The following ATP8B4 variants were observed in gnomAD, a reference collection of about 807,000 sequenced individuals.
The protein encoded by ATP8B4 is ATPase phospholipid transporting 8B4 (putative).
Under a neutral mutation model 145.6 loss-of-function variants are expected in ATP8B4, and 133 were observed. The observed-to-expected ratio is 0.91, with a 90% CI of 0.79 to 1.05. The LOEUF (loss-of-function observed/expected upper bound fraction) is 1.05. Among genes scored for constraint, ATP8B4 ranks in the 50% least tolerant of loss-of-function variants. ATP8B4 has a pLI of 0.00. For synonymous variants in ATP8B4, 507 were observed against 492.9 expected, an observed-to-expected ratio of 1.03 and a Z score of -0.38; for missense variants, 1,458 against 1,425.2, an observed-to-expected ratio of 1.02 and a Z score of -0.37.
intron 2 of ATP8B4, among the ~76,000 whole-genome samples, chr15:50,102,713 A>G (rs939155053): frequency 6.6e-6 from 1 of 152,038 alleles, no homozygotes; most frequent in African/African-American, 2.4e-5. Context: ...CAAGATAGAC[A>G]AAGAGAGAAT....
intron 27 of ATP8B4, 66 bp from the exon 28 acceptor site, chr15:49,860,541 T>A (rs558184135): frequency 5.9e-5 from 87 of 1,479,292 alleles, no homozygotes; most frequent in Non-Finnish European, 7.4e-5. Context: ...AGTGGCCCAC[T>A]TTGTAAAGTG....
chr15:50,040,617 T>C (rs1042024837), intron 5 of ATP8B4, among the ~76,000 whole-genome samples: 8 of 152,254 alleles, frequency 5.3e-5, no homozygotes, highest in East Asian at 1.9e-4. Flanking sequence ...ATCCCCTAAA[T>C]TGACTAGCTG....
chr15:50,160,451 T>G (rs2044499843), intron 1 of ATP8B4, among the ~76,000 whole-genome samples: 1 of 151,992 alleles, frequency 6.6e-6, no homozygotes, highest in Non-Finnish European at 1.5e-5. Context: ...TGCTTTTCTA[T>G]TTCTTTAAGG....
intron 2 of ATP8B4, among the ~76,000 whole-genome samples, chr15:50,083,856 C>G (rs1326683583): frequency 2.6e-5 from 4 of 152,190 alleles, no homozygotes; most frequent in African/African-American, 9.6e-5. Context: ...AATAGAGCTG[C>G]TCATCTAGCT....
intron 1 of ATP8B4, among the ~76,000 whole-genome samples, chr15:50,167,532 C>T (rs756510364): frequency 4.6e-5 from 7 of 151,566 alleles, no homozygotes; most frequent in Non-Finnish European, 8.8e-5. Flanking sequence ...CAGAATGATC[C>T]TGTCTCAAGA....
intron 3 of ATP8B4, among the ~76,000 whole-genome samples, chr15:50,064,997 G>A (rs141604040): frequency 2.6e-5 from 4 of 152,180 alleles, no homozygotes; most frequent in Non-Finnish European, 4.4e-5. Context: ...CTTCTACTAT[G>A]CCCCACCTCC....
At chr15:49,983,800 A>G (rs1474170868) in intron 10 of ATP8B4, among the ~76,000 whole-genome samples, 2 of 152,110 alleles carry the variant, frequency 1.3e-5, no homozygotes, top group Non-Finnish European at 2.9e-5. Flanking sequence ...CCAGTCCCAT[A>G]TCCATCCCTA....
At chr15:50,035,061 T>C (rs949117988) in intron 6 of ATP8B4, among the ~76,000 whole-genome samples, 7 of 152,150 alleles carry the variant, frequency 4.6e-5, no homozygotes, top group Admixed American at 2.0e-4. Flanking sequence ...CAAAAGCTAA[T>C]ACAACACCCA....
At chr15:49,984,889 T>C (rs1320605538) in intron 10 of ATP8B4, among the ~76,000 whole-genome samples, 4 of 152,144 alleles carry the variant, frequency 2.6e-5, no homozygotes, top group Non-Finnish European at 4.4e-5. Flanking sequence ...ATATAATTCC[T>C]GCCCTCAGAA....
chr15:50,031,691 T>A (rs181265413), intron 6 of ATP8B4, among the ~76,000 whole-genome samples: 182 of 152,166 alleles, frequency 1.2e-3, no homozygotes, highest in African/African-American at 4.0e-3. Context: ...ATCATATACA[T>A]CCACCCCCCT....
intron 23 of ATP8B4, among the ~76,000 whole-genome samples, chr15:49,888,033 T>C (rs1261361889): frequency 6.6e-6 from 1 of 152,210 alleles, no homozygotes; most frequent in Non-Finnish European, 1.5e-5. Context: ...ACCTATCTAA[T>C]GACCTTTTGG....
At chr15:50,110,908 C>T (rs1320245441) in intron 1 of ATP8B4, among the ~76,000 whole-genome samples, 1 of 149,308 alleles carries the variant, frequency 6.7e-6, no homozygotes, top group Non-Finnish European at 1.5e-5. Flanking sequence ...TCCATAAATA[C>T]TTTTTTTTTT....
intron 3 of ATP8B4, among the ~76,000 whole-genome samples, chr15:50,057,730 C>T (rs756922071): frequency 6.6e-6 from 1 of 152,198 alleles, no homozygotes; most frequent in Non-Finnish European, 1.5e-5. Flanking sequence ...ACTTTGTTCT[C>T]TTTTCTACCT....
intron 3 of ATP8B4, among the ~76,000 whole-genome samples, chr15:50,056,759 T>C (rs926625198): frequency 6.6e-6 from 1 of 151,490 alleles, no homozygotes; most frequent in Non-Finnish European, 1.5e-5. Context: ...GACAATATAA[T>C]ATCTATATTA....
intron 2 of ATP8B4, among the ~76,000 whole-genome samples, chr15:50,076,093 C>T (rs2054153036): frequency 1.3e-5 from 2 of 152,170 alleles, no homozygotes; most frequent in Admixed American, 6.5e-5. Flanking sequence ...GATGATCCTT[C>T]TAAAATTTCA....
intron 1 of ATP8B4, among the ~76,000 whole-genome samples, chr15:50,132,314 C>T (rs969608679): frequency 2.6e-5 from 4 of 152,072 alleles, no homozygotes; most frequent in South Asian, 2.1e-4. Context: ...CATGAACAGA[C>T]GCTTCTCAAA....
intron 14 of ATP8B4, among the ~76,000 whole-genome samples, chr15:49,958,804 G>A (rs2043813130): frequency 6.6e-6 from 1 of 151,898 alleles, no homozygotes; most frequent in Admixed American, 6.5e-5. Flanking sequence ...GATAACTACT[G>A]TAGACAAGAC....
intron 22 of ATP8B4, 63 bp from the exon 23 acceptor site, chr15:49,897,578 G>C (rs930437906): frequency 1.5e-6 from 2 of 1,336,482 alleles, no homozygotes; most frequent in Non-Finnish European, 2.0e-6. Flanking sequence ...TTGGAAACTT[G>C]TCATTCCTCT....
chr15:49,934,189 G>A lies in ATP8B4; in HGVS notation c.1288-7C>T, dbSNP rs767942917. On this transcript the variant is annotated splice_region_variant and splice_polypyrimidine_tract_variant and intron_variant, in intron 14 of 27. Transcript: ENST00000284509. ...AATCCACAGGCTCTTTTTCCTGTAG[G>A]AGAACAACAACAACAAAAATAACCA... 8.8e-6 allele frequency: 14 copies of A among 1,595,270 alleles called. No homozygotes were observed. In the East Asian group the frequency reaches 1.1e-4, roughly 13 times the overall value.
Sources: allele counts gnomAD v4.1 joint callset (sites outside exome capture counted in the v4.1 genomes callset), GRCh38; gene constraint gnomAD v4.1.1; transcripts MANE v1.5; gene names NCBI Gene and HGNC (gene_info 2026-07-23, HGNC 2026-07-21).